Variants in AOAH observed in about 807,000 individuals in gnomAD.
AOAH encodes the protein acyloxyacyl hydrolase (neutrophil).
AOAH carries 64 observed loss-of-function variants against 92.2 expected under a neutral mutation model. The observed-to-expected ratio is 0.69, with a 90% confidence interval of 0.57 to 0.86. The LOEUF is 0.86. Ranked by LOEUF, AOAH falls within the 40% of genes least tolerant of loss-of-function variation. AOAH has a pLI of 0.00. For missense variants in AOAH, 656 were observed against 694.6 expected, an observed-to-expected ratio of 0.94 and a Z score of 0.62; for synonymous variants, 263 against 254.5, an observed-to-expected ratio of 1.03 and a Z score of -0.32.
At chr7:36,616,569 T>G in intron 10 of AOAH, 95 bp from the exon 11 acceptor site, 4 of 978,920 alleles carry the variant, frequency 4.1e-6, no homozygotes, top group Non-Finnish European at 6.4e-6. Flanking sequence ...TAGTGTGTAT[T>G]CCAGGCACCG....
Position 36,706,780 on chromosome 7 carries a change from A to T in AOAH, c.127+17242T>A, listed in dbSNP as rs186057881. Among the ~76,000 whole-genome samples, 554 of 152,250 alleles carry T rather than the reference A, an allele frequency of 3.6e-3. 1 individual carries two copies. Among genetic ancestry groups the T allele is most frequent in the Middle Eastern group, 6.8e-3 (2 of 294 alleles). ...CACCTTGCACTTTTATGTTATGGAG[A>T]TAGCTTCTTTCCTTAAACCTCATAA... On this transcript the variant is annotated intron_variant, in intron 1 of 20. Transcript: ENST00000617537.
At chr7:36,536,724 G>A (rs752627507) in intron 16 of AOAH, among the ~76,000 whole-genome samples, 7 of 151,926 alleles carry the variant, frequency 4.6e-5, no homozygotes, top group Non-Finnish European at 8.8e-5. Context: ...CGAGGCAGGT[G>A]GATCACCTGA....
intron 16 of AOAH, among the ~76,000 whole-genome samples, chr7:36,539,948 G>A (rs1029482640): frequency 3.6e-4 from 55 of 152,182 alleles, no homozygotes; most frequent in African/African-American, 1.2e-3. Context: ...CAGGCCACCA[G>A]GAAGCACTTA....
intron 3 of AOAH, among the ~76,000 whole-genome samples, chr7:36,663,964 G>A (rs1360892745): frequency 2.0e-5 from 3 of 151,942 alleles, no homozygotes; most frequent in Non-Finnish European, 1.5e-5. Context: ...AACATATAAT[G>A]TTGAGCTTCT....
At chr7:36,666,440 CTTAG>C (rs910747065) in intron 3 of AOAH, among the ~76,000 whole-genome samples, 2 of 151,824 alleles carry the variant, frequency 1.3e-5, no homozygotes, top group African/African-American at 2.4e-5. Flanking sequence ...CCCTCTTTTC[CTTAG>C]TTAGGCTGGC....
chr7:36,625,079 A>C (rs1792550253), intron 6 of AOAH, among the ~76,000 whole-genome samples: 1 of 151,804 alleles, frequency 6.6e-6, no homozygotes, highest in Admixed American at 6.6e-5. Flanking sequence ...GAGTGTGGGG[A>C]GTCAATAGCC....
At chr7:36,634,225 A>G (rs899752545) in intron 5 of AOAH, among the ~76,000 whole-genome samples, 6 of 152,150 alleles carry the variant, frequency 3.9e-5, no homozygotes, top group Non-Finnish European at 5.9e-5. Flanking sequence ...TCTGCCTCCA[A>G]AGAAAGAAAC....
chr7:36,593,618 G>A (rs763392749), intron 12 of AOAH, among the ~76,000 whole-genome samples: 8 of 152,180 alleles, frequency 5.3e-5, no homozygotes, highest in Non-Finnish European at 1.5e-5. Flanking sequence ...TCTTCCTTGT[G>A]CCTATTAACT....
intron 15 of AOAH, among the ~76,000 whole-genome samples, chr7:36,547,812 G>C (rs894787703): frequency 1.3e-5 from 2 of 152,156 alleles, no homozygotes; most frequent in Non-Finnish European, 2.9e-5. Flanking sequence ...ACCAATACCA[G>C]CAGTTTAGCA....
At chr7:36,546,504 C>T (rs1785811421) in intron 15 of AOAH, among the ~76,000 whole-genome samples, 1 of 152,228 alleles carries the variant, frequency 6.6e-6, no homozygotes, top group South Asian at 2.1e-4. Flanking sequence ...TGCTTCTCTA[C>T]CCAGATCTCC....
intron 1 of AOAH, among the ~76,000 whole-genome samples, chr7:36,698,828 TCTAA>T (rs779566477): frequency 9.2e-5 from 14 of 151,850 alleles, no homozygotes; most frequent in African/African-American, 2.9e-4. Flanking sequence ...ATCATTCTCT[TCTAA>T]CTATTTTGAA....
intron 16 of AOAH, among the ~76,000 whole-genome samples, chr7:36,535,467 G>A (rs867606779): frequency 3.3e-5 from 5 of 152,320 alleles, no homozygotes; most frequent in African/African-American, 4.8e-5. Context: ...GGGAAAGTGC[G>A]TGATAAAATA....
At chr7:36,525,062 C>A (rs936019982) in intron 19 of AOAH, among the ~76,000 whole-genome samples, 2 of 152,128 alleles carry the variant, frequency 1.3e-5, no homozygotes, top group Admixed American at 6.5e-5. Context: ...GAGGCAGAGT[C>A]CTCTTGTAAT....
At chr7:36,679,006 A>T (rs538032187) in intron 2 of AOAH, among the ~76,000 whole-genome samples, 3 of 152,210 alleles carry the variant, frequency 2.0e-5, no homozygotes, top group Non-Finnish European at 4.4e-5. Context: ...TACAGATTAA[A>T]AGAGACTTGG....
At chr7:36,616,099 C>T (rs2727816) in intron 11 of AOAH, among the ~76,000 whole-genome samples, 15,627 of 152,192 alleles carry the variant, frequency 0.1, 1,061 homozygotes, top group East Asian at 0.22. Context: ...GAAGCCGGCC[C>T]GGTGGGCTTT....
At chr7:36,712,300 C>A (rs1798820021) in intron 1 of AOAH, among the ~76,000 whole-genome samples, 1 of 152,026 alleles carries the variant, frequency 6.6e-6, no homozygotes, top group Non-Finnish European at 1.5e-5. Flanking sequence ...GGGATTATAA[C>A]CTGACACTGA....
intron 20 of AOAH, among the ~76,000 whole-genome samples, chr7:36,517,688 C>G (rs1369787545): frequency 6.7e-6 from 1 of 148,790 alleles, no homozygotes; most frequent in Non-Finnish European, 1.5e-5. Flanking sequence ...GTAACCTCCA[C>G]CTCCCAGGTT....
At chr7:36,692,013 T>A (rs979567925) in intron 1 of AOAH, among the ~76,000 whole-genome samples, 1 of 152,240 alleles carries the variant, frequency 6.6e-6, no homozygotes, top group African/African-American at 2.4e-5. Context: ...TGAGCGCAGC[T>A]GCAGGAGTGA....
intron 12 of AOAH, among the ~76,000 whole-genome samples, chr7:36,588,953 C>A (rs1409350705): frequency 6.6e-6 from 1 of 152,154 alleles, no homozygotes; most frequent in Non-Finnish European, 1.5e-5. Context: ...GACTACAGAT[C>A]TCAGTTTTAT....
Sources: allele counts gnomAD v4.1 joint callset (sites outside exome capture counted in the v4.1 genomes callset), GRCh38; gene constraint gnomAD v4.1.1; transcripts MANE v1.5; gene names NCBI Gene and HGNC (gene_info 2026-07-23, HGNC 2026-07-21).